The following ZSCAN5A variants were observed in gnomAD, a reference collection of about 807,000 sequenced individuals.
The protein encoded by ZSCAN5A is zinc finger and SCAN domain-containing protein 5A.
In ZSCAN5A, 12 loss-of-function variants were observed where a neutral mutation model predicts 23.7. The ratio of observed to expected loss-of-function variants is 0.51; its 90% CI spans 0.32 to 0.82. The LOEUF (loss-of-function observed/expected upper bound fraction) is 0.82. Among genes scored for constraint, ZSCAN5A ranks in the 40% least tolerant of loss-of-function variants. The probability of loss-of-function intolerance (pLI) is 0.03; values close to 1 mark genes in which losing one functional copy is unlikely to be tolerated. For missense variants in ZSCAN5A, 597 were observed against 617.9 expected (o/e 0.97, Z 0.36); for synonymous variants, 257 against 239.9 (o/e 1.07, Z -0.66).
chr19:56,326,971 A>AC (rs2041440191), intron 2 of ZSCAN5A, among the ~76,000 whole-genome samples: 1 of 152,124 alleles, frequency 6.6e-6, no homozygotes, highest in South Asian at 2.1e-4. Flanking sequence ...CTATATGCTG[A>AC]CCCACCTACA....
chr19:56,289,335 T>C (rs1386382566), intron 2 of ZSCAN5A, among the ~76,000 whole-genome samples: 1 of 152,152 alleles, frequency 6.6e-6, no homozygotes, highest in African/African-American at 2.4e-5. Flanking sequence ...CCCCATTCAT[T>C]CCTCCAAAGG....
chr19:56,367,643 G>A (rs527856550), intron 1 of ZSCAN5A, among the ~76,000 whole-genome samples: 1 of 152,272 alleles, frequency 6.6e-6, no homozygotes, highest in African/African-American at 2.4e-5. Flanking sequence ...TTTGTGCCAG[G>A]CACATTTATG....
intron 2 of ZSCAN5A, among the ~76,000 whole-genome samples, chr19:56,231,546 G>T (rs114348658): frequency 6.6e-6 from 1 of 152,052 alleles, no homozygotes; most frequent in Non-Finnish European, 1.5e-5. Flanking sequence ...CCCACCTCAC[G>T]TAAAGGTGGC....
chr19:56,339,337 T>C (rs2041572100), intron 2 of ZSCAN5A, among the ~76,000 whole-genome samples: 1 of 150,878 alleles, frequency 6.6e-6, no homozygotes, highest in Non-Finnish European at 1.5e-5. Context: ...GGAGCGGCTG[T>C]AGCCGCATTT....
chr19:56,368,022 T>TA (rs1244954002), intron 1 of ZSCAN5A: 9 of 152,286 alleles, frequency 5.9e-5, no homozygotes, highest in Admixed American at 5.9e-4. Flanking sequence ...CTGGTACTGA[T>TA]ATACGCTTCA....
At chr19:56,249,739 C>T (rs1208133393) in intron 2 of ZSCAN5A, among the ~76,000 whole-genome samples, 1 of 152,200 alleles carries the variant, frequency 6.6e-6, no homozygotes, top group Admixed American at 6.5e-5. Flanking sequence ...ATTGAGACCT[C>T]CTCAGTGTTG....
chr19:56,341,938 A>G (rs1019391105), intron 2 of ZSCAN5A, among the ~76,000 whole-genome samples: 1 of 152,142 alleles, frequency 6.6e-6, no homozygotes, highest in Non-Finnish European at 1.5e-5. Flanking sequence ...AGATGCAATA[A>G]AAGTTGAATT....
intron 1 of ZSCAN5A, among the ~76,000 whole-genome samples, chr19:56,314,057 G>A (rs1446547210): frequency 6.6e-6 from 1 of 152,160 alleles, no homozygotes; most frequent in Non-Finnish European, 1.5e-5. Context: ...TGAGGTGAGG[G>A]AAGATCCTCA....
At chr19:56,290,851 G>C (rs532732472) in intron 2 of ZSCAN5A, among the ~76,000 whole-genome samples, 9 of 152,312 alleles carry the variant, frequency 5.9e-5, no homozygotes, top group Non-Finnish European at 1.5e-5. Context: ...TAAAAAGTAA[G>C]TTATTTTTCC....
chr19:56,338,307 T>G (rs1394876962), intron 2 of ZSCAN5A: 2 of 152,164 alleles, frequency 1.3e-5, no homozygotes, highest in Non-Finnish European at 2.9e-5. Flanking sequence ...TTTCTCAGCT[T>G]CTTCTTTAGG....
intron 2 of ZSCAN5A, among the ~76,000 whole-genome samples, chr19:56,253,337 G>T (rs1236631960): frequency 6.6e-6 from 1 of 152,016 alleles, no homozygotes; most frequent in Non-Finnish European, 1.5e-5. Context: ...GAGGAGGGGT[G>T]GAGGGGGAGA....
At chr19:56,292,641 G>A (rs945311207) in intron 2 of ZSCAN5A, among the ~76,000 whole-genome samples, 2 of 151,716 alleles carry the variant, frequency 1.3e-5, no homozygotes, top group South Asian at 4.1e-4. Flanking sequence ...ACAATGGTGT[G>A]CAACCATCAC....
At chr19:56,329,008 AAT>A (rs1568754506) in intron 2 of ZSCAN5A, among the ~76,000 whole-genome samples, 5 of 146,414 alleles carry the variant, frequency 3.4e-5, no homozygotes, top group African/African-American at 1.3e-4. Flanking sequence ...AAAAAAAAAA[AAT>A]AAATAAATAA....
intron 2 of ZSCAN5A, chr19:56,297,907 A>T (rs1443785303): frequency 6.6e-6 from 1 of 152,074 alleles, no homozygotes; most frequent in African/African-American, 2.4e-5. Flanking sequence ...GATGGTGGAG[A>T]TGAGCGTTTT....
chr19:56,243,853 T>C (rs2035625894), intron 2 of ZSCAN5A, among the ~76,000 whole-genome samples: 2 of 152,116 alleles, frequency 1.3e-5, no homozygotes, highest in South Asian at 4.2e-4. Context: ...AGGATTTGGA[T>C]GAGGGTTTTG....
intron 3 of ZSCAN5A, chr19:56,224,429 T>C (rs2033682346): frequency 3.0e-6 from 2 of 658,834 alleles, no homozygotes; most frequent in Middle Eastern, 4.3e-4. Context: ...ATCTGGATGA[T>C]TATTTGTCAT....
At chr19:56,284,165 C>T in intron 2 of ZSCAN5A, 1 of 985,472 alleles carries the variant, frequency 1.0e-6, no homozygotes, top group Non-Finnish European at 1.2e-6. Flanking sequence ...ACCTTGGCCA[C>T]CATGCTGACT....
At chr19:56,344,345 G>T (rs1477859890) in intron 2 of ZSCAN5A, among the ~76,000 whole-genome samples, 1 of 152,184 alleles carries the variant, frequency 6.6e-6, no homozygotes, top group Non-Finnish European at 1.5e-5. Context: ...CAATATCAAT[G>T]TCTTATTTAT....
intron 2 of ZSCAN5A, among the ~76,000 whole-genome samples, chr19:56,236,800 A>T (rs940876775): frequency 6.1e-5 from 9 of 148,384 alleles, no homozygotes; most frequent in African/African-American, 1.8e-4. Context: ...CCTCCATTCC[A>T]GCCTCTGATG....
Sources: allele counts gnomAD v4.1 joint callset (sites outside exome capture counted in the v4.1 genomes callset), GRCh38; gene constraint gnomAD v4.1.1; transcripts MANE v1.5; gene names NCBI Gene and HGNC (gene_info 2026-07-23, HGNC 2026-07-21).